YAF2: variants seen among roughly 807,000 people sequenced by gnomAD.
YAF2 encodes the protein YY1-associated factor 2.
Under a neutral mutation model 20.1 loss-of-function variants are expected in YAF2, and 7 were observed. That is an observed-to-expected ratio of 0.35 (90% CI 0.20 to 0.65). YAF2 has a LOEUF of 0.65. Among genes scored for constraint, YAF2 ranks in the 30% least tolerant of loss-of-function variants. YAF2 has a pLI of 0.69. For missense variants in YAF2, 151 were observed against 219.2 expected (o/e 0.69, Z 1.96); for synonymous variants, 74 against 76.0 (o/e 0.97, Z 0.14).
At chr12:42,199,664 G>A in intron 2 of YAF2, 1 of 152,998 alleles carries the variant, frequency 6.5e-6, no homozygotes, top group Non-Finnish European at 1.5e-5. Flanking sequence ...GTGGTTTTAG[G>A]GAATTAAGAA....
chr12:42,202,410 T>C (rs1228218327), intron 2 of YAF2, among the ~76,000 whole-genome samples: 2 of 152,176 alleles, frequency 1.3e-5, no homozygotes, highest in Non-Finnish European at 2.9e-5. Context: ...TCCCTCACGA[T>C]CCTTACCAAT....
intron 2 of YAF2, among the ~76,000 whole-genome samples, chr12:42,198,798 C>G (rs2066822848): frequency 6.6e-6 from 1 of 152,024 alleles, no homozygotes; most frequent in African/African-American, 2.4e-5. Flanking sequence ...TCTGAGGTGC[C>G]TTTATTGAAG....
At chr12:42,186,189 CAAAAAAAAAAAAA>C (rs58514363) in intron 2 of YAF2, among the ~76,000 whole-genome samples, 1 of 62,560 alleles carries the variant, frequency 1.6e-5, no homozygotes, top group Non-Finnish European at 2.8e-5. Context: ...AACTCTGTCT[CAAAAAAAAAAAAA>C]AAAAAAAAAG....
At chr12:42,175,315 T>C (rs1157939164) in intron 2 of YAF2, among the ~76,000 whole-genome samples, 1 of 152,008 alleles carries the variant, frequency 6.6e-6, no homozygotes. Flanking sequence ...AACTAATTTA[T>C]AGTGACAGAA....
intron 2 of YAF2, among the ~76,000 whole-genome samples, chr12:42,208,585 G>A (rs73114403): frequency 1.3e-5 from 2 of 151,880 alleles, no homozygotes; most frequent in African/African-American, 4.8e-5. Flanking sequence ...AGCCAATAAG[G>A]GTATTAACTG....
At chr12:42,171,214 C>T (rs2066038834) in intron 2 of YAF2, among the ~76,000 whole-genome samples, 1 of 152,188 alleles carries the variant, frequency 6.6e-6, no homozygotes, top group African/African-American at 2.4e-5. Context: ...CTGGTCTCAA[C>T]TCCTGACCTC....
chr12:42,227,130 G>A (rs559251937), intron 2 of YAF2, among the ~76,000 whole-genome samples: 9,680 of 145,096 alleles, frequency 0.067, 461 homozygotes, highest in Non-Finnish European at 0.1. Context: ...CTTTGCCGCC[G>A]CGCCGGCGAG....
chr12:42,172,101 A>G (rs1211470164), intron 2 of YAF2: 2 of 152,208 alleles, frequency 1.3e-5, no homozygotes, highest in Non-Finnish European at 2.9e-5. Context: ...TAGTTGTGCA[A>G]TGCTGGGAAA....
At chr12:42,234,807 G>A in intron 2 of YAF2, 3 of 800,606 alleles carry the variant, frequency 3.7e-6, no homozygotes, top group Non-Finnish European at 4.5e-6. Context: ...AGGCAACATA[G>A]AGATCCCCCA....
intron 2 of YAF2, chr12:42,237,305 G>A (rs2068196914): frequency 2.7e-6 from 2 of 730,992 alleles, no homozygotes; most frequent in Admixed American, 5.7e-5. Context: ...ACCCAGAATG[G>A]GGAGAGGGGC....
At chr12:42,200,401 T>A (rs2066867902) in intron 2 of YAF2, among the ~76,000 whole-genome samples, 1 of 152,168 alleles carries the variant, frequency 6.6e-6, no homozygotes, top group African/African-American at 2.4e-5. Context: ...CACCTTCTTA[T>A]CCCTAGCACC....
intron 2 of YAF2, among the ~76,000 whole-genome samples, chr12:42,204,514 A>G (rs759531261): frequency 6.6e-6 from 1 of 152,224 alleles, no homozygotes; most frequent in Non-Finnish European, 1.5e-5. Context: ...CATGTAATGC[A>G]TATGGGAGAA....
intron 1 of YAF2, 147 bp from the exon 2 acceptor site, chr12:42,237,871 TGAG>T: frequency 1.4e-6 from 1 of 697,730 alleles, no homozygotes; most frequent in Non-Finnish European, 1.7e-6. Context: ...GCGCTCCGGC[TGAG>T]GGGGAAGGGA....
At chr12:42,231,696 A>G (rs1025605612) in intron 2 of YAF2, 2 of 152,220 alleles carry the variant, frequency 1.3e-5, no homozygotes, top group African/African-American at 2.4e-5. Flanking sequence ...ATGCTGACAC[A>G]TTTCATGGTG....
At chr12:42,178,601 G>T (rs2066258687) in intron 2 of YAF2, among the ~76,000 whole-genome samples, 1 of 151,738 alleles carries the variant, frequency 6.6e-6, no homozygotes, top group Admixed American at 6.6e-5. Flanking sequence ...AATACAGTTT[G>T]CTCCCATTTT....
intron 2 of YAF2, among the ~76,000 whole-genome samples, chr12:42,174,173 T>G (rs1200391461): frequency 6.6e-6 from 1 of 152,066 alleles, no homozygotes; most frequent in Non-Finnish European, 1.5e-5. Context: ...TTCTTTTCCA[T>G]GACACCTCAA....
At position 42,159,623 on chromosome 12, in the gene YAF2, T is replaced by C. The variant is rs1454221772; in HGVS notation, c.*966A>G. ...AATTTGACTGATTTAAAATTAGTTA[T>C]TTCCCATTTCTGTGCAATAATTCCC... On this transcript the variant is annotated 3_prime_UTR_variant, in exon 4 of 4. Transcript: ENST00000534854. 1 of 152,136 alleles carries C rather than the reference T, an allele frequency of 6.6e-6. No homozygotes were observed. The highest frequency in any genetic ancestry group is 1.5e-5 in the Non-Finnish European group (1 of 67,956). The allele number at this position is 152,136 out of a possible 1,614,324, so 9.4% of individuals were successfully genotyped here.
chr12:42,207,284 C>A (rs1186309916), intron 2 of YAF2, among the ~76,000 whole-genome samples: 1 of 152,186 alleles, frequency 6.6e-6, no homozygotes, highest in Non-Finnish European at 1.5e-5. Context: ...TTAGAAGAGA[C>A]AATCTGTCAA....
intron 2 of YAF2, among the ~76,000 whole-genome samples, chr12:42,180,894 G>A (rs1257980528): frequency 6.6e-6 from 1 of 152,162 alleles, no homozygotes; most frequent in African/African-American, 2.4e-5. Context: ...GTTGCAGTAA[G>A]CTGAGATTGT....
Sources: gnomAD v4.1 joint callset for allele counts (sites outside exome capture counted in the v4.1 genomes callset) on GRCh38, gnomAD v4.1.1 for gene constraint, MANE v1.5 for transcripts, NCBI Gene and HGNC (gene_info 2026-07-23, HGNC 2026-07-21) for gene names.